Variants in CDH18 observed in about 807,000 individuals in gnomAD.
The protein encoded by CDH18 is cadherin-18.
A neutral mutation model predicts 67.9 loss-of-function variants in CDH18; 31 were observed. The observed-to-expected ratio is 0.46, with a 90% CI of 0.34 to 0.62. The LOEUF is 0.62. Among genes scored for constraint, CDH18 ranks in the 20% least tolerant of loss-of-function variants. The pLI is 0.01. For synonymous variants in CDH18, 362 were observed against 347.2 expected (o/e 1.04, Z -0.48); for missense variants, 890 against 975.5 (o/e 0.91, Z 1.17).
At chr5:20,191,253 C>A (rs1024160458) in intron 2 of CDH18, among the ~76,000 whole-genome samples, 3 of 152,058 alleles carry the variant, frequency 2.0e-5, no homozygotes, top group Admixed American at 2.0e-4. Context: ...AAATGAATAA[C>A]CATTGATGGT....
At chr5:19,958,564 C>T (rs1796495666) in intron 2 of CDH18, among the ~76,000 whole-genome samples, 1 of 151,714 alleles carries the variant, frequency 6.6e-6, no homozygotes. Flanking sequence ...ACTTGATAGG[C>T]ACTAAGCAGT....
intron 1 of CDH18, among the ~76,000 whole-genome samples, chr5:20,303,795 C>G (rs1434219259): frequency 3.3e-5 from 5 of 152,048 alleles, no homozygotes; most frequent in African/African-American, 1.2e-4. Context: ...AATAAACAAA[C>G]GAACATTAAA....
intron 2 of CDH18, among the ~76,000 whole-genome samples, chr5:20,046,178 T>C (rs1037232656): frequency 6.6e-6 from 1 of 151,968 alleles, no homozygotes; most frequent in African/African-American, 2.4e-5. Flanking sequence ...GGTTAGATTC[T>C]GGAAATATTT....
chr5:20,055,038 A>G (rs1175773557), intron 2 of CDH18, among the ~76,000 whole-genome samples: 7 of 152,090 alleles, frequency 4.6e-5, no homozygotes, highest in Non-Finnish European at 7.4e-5. Context: ...ATCATCATCT[A>G]TATTTCTGTG....
chr5:19,516,548 C>T lies in CDH18; in HGVS notation c.1512+4109G>A, dbSNP rs781613738. ...CAGAGGCTGTTATTGGTCTATTCAG[C>T]GATTCAACATCTTCCTGGTTTAGTC... On this transcript the variant is annotated intron_variant, in intron 10 of 12. Coordinates refer to ENST00000382275, the MANE Select transcript of CDH18 (RefSeq NM_004934.5). 2.2e-4 allele frequency among the ~76,000 whole-genome samples: 34 copies of T among 152,018 alleles called. No individual in the cohort carries two copies. In the East Asian group the frequency reaches 5.2e-3, roughly 23 times the overall value.
chr5:19,514,929 T>C (rs1475731077), intron 10 of CDH18, among the ~76,000 whole-genome samples: 3 of 152,216 alleles, frequency 2.0e-5, no homozygotes, highest in African/African-American at 7.2e-5. Flanking sequence ...CCCATGCCTA[T>C]GTCCTGAATG....
intron 5 of CDH18, among the ~76,000 whole-genome samples, chr5:19,702,568 C>A (rs1023821539): frequency 6.6e-6 from 1 of 151,906 alleles, no homozygotes; most frequent in African/African-American, 2.4e-5. Flanking sequence ...GAGTTCAAGA[C>A]CAGCCTGGCC....
At chr5:20,436,046 T>C (rs1162617304) in intron 1 of CDH18, among the ~76,000 whole-genome samples, 1 of 152,078 alleles carries the variant, frequency 6.6e-6, no homozygotes, top group Non-Finnish European at 1.5e-5. Context: ...ACTGAGATTT[T>C]AAATCTCATA....
chr5:19,930,268 T>G (rs552236982), intron 2 of CDH18, among the ~76,000 whole-genome samples: 2 of 152,136 alleles, frequency 1.3e-5, no homozygotes, highest in Non-Finnish European at 2.9e-5. Context: ...AAGTATGCAT[T>G]CTTAATTACT....
At chr5:20,567,272 G>A (rs1287732283) in intron 1 of CDH18, among the ~76,000 whole-genome samples, 1 of 152,110 alleles carries the variant, frequency 6.6e-6, no homozygotes, top group Non-Finnish European at 1.5e-5. Context: ...AGATCTTTTA[G>A]ATTCAAATAA....
chr5:20,266,621 G>A (rs6879967), intron 1 of CDH18, among the ~76,000 whole-genome samples: 13,699 of 128,756 alleles, frequency 0.11, 1,174 homozygotes, highest in African/African-American at 0.24. Context: ...TAGAGACGGG[G>A]TTTCACCATG....
chr5:19,953,592 T>C (rs1795997486), intron 2 of CDH18, among the ~76,000 whole-genome samples: 1 of 152,094 alleles, frequency 6.6e-6, no homozygotes, highest in East Asian at 1.9e-4. Context: ...TAAAAAGTAA[T>C]GAATATCAAA....
At chr5:20,056,485 T>G (rs1474148138) in intron 2 of CDH18, among the ~76,000 whole-genome samples, 6 of 129,266 alleles carry the variant, frequency 4.6e-5, no homozygotes, top group East Asian at 2.2e-4. Context: ...TTTGTTTTTT[T>G]TTTTTTTTTT....
chr5:19,950,683 T>C (rs1795708176), intron 2 of CDH18, among the ~76,000 whole-genome samples: 1 of 152,152 alleles, frequency 6.6e-6, no homozygotes, highest in Non-Finnish European at 1.5e-5. Context: ...CAAATAAAAG[T>C]TGATATCGAG....
At chr5:19,932,114 G>A (rs1273084601) in intron 2 of CDH18, among the ~76,000 whole-genome samples, 1 of 151,732 alleles carries the variant, frequency 6.6e-6, no homozygotes, top group Admixed American at 6.6e-5. Flanking sequence ...CCAAACCAAT[G>A]AGAATGAACT....
chr5:20,488,275 C>T (rs936546999), intron 1 of CDH18, among the ~76,000 whole-genome samples: 9 of 152,058 alleles, frequency 5.9e-5, no homozygotes, highest in African/African-American at 1.9e-4. Context: ...TAGGTCCATA[C>T]ATACACATAT....
intron 1 of CDH18, among the ~76,000 whole-genome samples, chr5:20,423,946 CAAAAAAAAAA>C (rs553723574): frequency 7.8e-5 from 5 of 63,826 alleles, no homozygotes; most frequent in South Asian, 5.9e-4. Context: ...GACTCCGTCT[CAAAAAAAAAA>C]AAAAAAAAAA....
chr5:19,496,492 C>A (rs1742346823), intron 11 of CDH18, among the ~76,000 whole-genome samples: 1 of 152,040 alleles, frequency 6.6e-6, no homozygotes, highest in Non-Finnish European at 1.5e-5. Flanking sequence ...GAGCTCCAGT[C>A]CCATGAAGGA....
chr5:20,491,234 G>A (rs1753564688), intron 1 of CDH18, among the ~76,000 whole-genome samples: 1 of 150,960 alleles, frequency 6.6e-6, no homozygotes, highest in Non-Finnish European at 1.5e-5. Flanking sequence ...AAAGAATTTA[G>A]AAACTTGAGT....
Sources: allele counts gnomAD v4.1 joint callset (sites outside exome capture counted in the v4.1 genomes callset), GRCh38; gene constraint gnomAD v4.1.1; transcripts MANE v1.5; gene names NCBI Gene and HGNC (gene_info 2026-07-23, HGNC 2026-07-21).